The following TMEM108 variants were observed in gnomAD, a reference collection of about 807,000 sequenced individuals.
TMEM108 encodes the protein transmembrane protein 108, also known as cancer/testis antigen 124.
A neutral mutation model predicts 35.1 loss-of-function variants in TMEM108; 12 were observed. That is an observed-to-expected ratio of 0.34 (90% CI 0.22 to 0.55). TMEM108 has a LOEUF of 0.55. Ranked by LOEUF, TMEM108 falls within the 20% of genes least tolerant of loss-of-function variation. TMEM108 has a pLI of 0.89. For synonymous variants in TMEM108, 287 were observed against 308.6 expected (o/e 0.93, Z 0.73); for missense variants, 680 against 753.3 (o/e 0.90, Z 1.14).
chr3:133,304,816 T>C (rs1002324523), intron 3 of TMEM108, among the ~76,000 whole-genome samples: 1 of 152,184 alleles, frequency 6.6e-6, no homozygotes, highest in Non-Finnish European at 1.5e-5. Flanking sequence ...GTGCAGTGGC[T>C]CATGCCTGTA....
At chr3:133,181,038 A>AAC (rs869218859) in intron 2 of TMEM108, among the ~76,000 whole-genome samples, 1 of 126,444 alleles carries the variant, frequency 7.9e-6, no homozygotes, top group African/African-American at 2.9e-5. Flanking sequence ...AAAAAAAAAA[A>AAC]CAGCACTCCC....
chr3:133,122,412 G>T (rs1944363096), intron 2 of TMEM108, among the ~76,000 whole-genome samples: 1 of 152,214 alleles, frequency 6.6e-6, no homozygotes, highest in African/African-American at 2.4e-5. Context: ...CTAGAGCTGT[G>T]GATGGTTTTA....
At chr3:133,081,861 G>A (rs1422759470) in intron 2 of TMEM108, among the ~76,000 whole-genome samples, 1 of 152,218 alleles carries the variant, frequency 6.6e-6, no homozygotes, top group Admixed American at 6.5e-5. Flanking sequence ...GCATTGTACT[G>A]CAATGTAACT....
At chr3:133,333,766 C>T (rs2071434109) in intron 3 of TMEM108, among the ~76,000 whole-genome samples, 1 of 152,172 alleles carries the variant, frequency 6.6e-6, no homozygotes, top group Non-Finnish European at 1.5e-5. Context: ...AGTTTAGTTT[C>T]TTGTTAAGTC....
intron 3 of TMEM108, among the ~76,000 whole-genome samples, chr3:133,308,260 G>T (rs1476717997): frequency 2.0e-5 from 3 of 152,122 alleles, no homozygotes; most frequent in Non-Finnish European, 4.4e-5. Context: ...GAGATTTTGG[G>T]CTAAGACGAT....
chr3:133,275,094 A>T (rs1157075886), intron 3 of TMEM108, among the ~76,000 whole-genome samples: 1 of 152,182 alleles, frequency 6.6e-6, no homozygotes, highest in Non-Finnish European at 1.5e-5. Flanking sequence ...TTAATGGGGG[A>T]GGGGAAAGAG....
chr3:133,101,831 C>G (rs766891353), intron 2 of TMEM108, among the ~76,000 whole-genome samples: 29 of 152,160 alleles, frequency 1.9e-4, no homozygotes, highest in Non-Finnish European at 1.3e-4. Context: ...CTTGTGTAAC[C>G]ACACCCATAA....
chr3:133,132,815 C>T (rs1448814857), intron 2 of TMEM108, among the ~76,000 whole-genome samples: 4 of 151,822 alleles, frequency 2.6e-5, no homozygotes, highest in South Asian at 2.1e-4. Context: ...CCATTAAGAA[C>T]ATTCGTGATT....
chr3:133,338,866 T>A (rs181061035), intron 3 of TMEM108, among the ~76,000 whole-genome samples: 1 of 152,158 alleles, frequency 6.6e-6, no homozygotes, highest in Non-Finnish European at 1.5e-5. Context: ...TGGTTATTTA[T>A]GCAAAGAGTG....
chr3:133,316,140 C>T (rs764480588), intron 3 of TMEM108, among the ~76,000 whole-genome samples: 3 of 151,996 alleles, frequency 2.0e-5, no homozygotes, highest in South Asian at 4.2e-4. Context: ...CAAAATAAGG[C>T]GAATAAATAG....
At chr3:133,269,451 A>G (rs1171107533) in intron 3 of TMEM108, among the ~76,000 whole-genome samples, 2 of 152,160 alleles carry the variant, frequency 1.3e-5, no homozygotes, top group Non-Finnish European at 2.9e-5. Flanking sequence ...TGTCCCTACT[A>G]CTAATCAGGA....
At chr3:133,368,133 A>G (rs1398058676) in intron 3 of TMEM108, among the ~76,000 whole-genome samples, 1 of 152,004 alleles carries the variant, frequency 6.6e-6, no homozygotes, top group African/African-American at 2.4e-5. Flanking sequence ...ACTGGACCAG[A>G]CCCCAAGCCA....
intron 3 of TMEM108, among the ~76,000 whole-genome samples, chr3:133,350,316 T>C (rs1417973658): frequency 1.3e-5 from 2 of 152,072 alleles, no homozygotes; most frequent in African/African-American, 2.4e-5. Flanking sequence ...GGATGGTTAA[T>C]AGGTAAAAGG....
At chr3:133,242,749 T>C (rs1456887331) in intron 3 of TMEM108, among the ~76,000 whole-genome samples, 1 of 152,160 alleles carries the variant, frequency 6.6e-6, no homozygotes, top group African/African-American at 2.4e-5. Flanking sequence ...CTGTGATCAG[T>C]GAGTCAGATT....
At chr3:133,145,298 C>T (rs960993641) in intron 2 of TMEM108, among the ~76,000 whole-genome samples, 27 of 152,166 alleles carry the variant, frequency 1.8e-4, no homozygotes, top group African/African-American at 6.0e-4. Context: ...ATTTCTGAGG[C>T]CTCTGTTTTG....
intron 3 of TMEM108, among the ~76,000 whole-genome samples, chr3:133,251,098 A>G (rs989465412): frequency 6.6e-6 from 1 of 152,202 alleles, no homozygotes; most frequent in Non-Finnish European, 1.5e-5. Context: ...CAGCCAGTCC[A>G]TGATCAGTCA....
intron 3 of TMEM108, among the ~76,000 whole-genome samples, chr3:133,319,150 C>T (rs2071234391): frequency 6.6e-6 from 1 of 152,074 alleles, no homozygotes; most frequent in Admixed American, 6.5e-5. Flanking sequence ...GGCCCAAGAA[C>T]CACCCCTTTA....
chr3:133,324,533 G>A (rs1038012441), intron 3 of TMEM108, among the ~76,000 whole-genome samples: 3 of 152,222 alleles, frequency 2.0e-5, no homozygotes, highest in Non-Finnish European at 4.4e-5. Flanking sequence ...TGTTGGCATG[G>A]ATGTGGTGAA....
chr3:133,071,422 C>T (rs1369552960), intron 2 of TMEM108, among the ~76,000 whole-genome samples: 1 of 152,048 alleles, frequency 6.6e-6, no homozygotes, highest in African/African-American at 2.4e-5. Flanking sequence ...GGTTTAGAGC[C>T]CACTCTAATG....
Sources: gnomAD v4.1 joint callset for allele counts (sites outside exome capture counted in the v4.1 genomes callset) on GRCh38, gnomAD v4.1.1 for gene constraint, MANE v1.5 for transcripts, NCBI Gene and HGNC (gene_info 2026-07-23, HGNC 2026-07-21) for gene names.